SUGCT: variants seen among roughly 807,000 people sequenced by gnomAD.
The protein encoded by SUGCT is succinyl-CoA:glutarate-CoA transferase.
SUGCT carries 41 observed loss-of-function variants against 55.0 expected under a neutral mutation model. That is an observed-to-expected ratio of 0.74 (90% CI 0.58 to 0.97). SUGCT has a LOEUF of 0.97. Ranked by LOEUF, SUGCT falls within the 50% of genes least tolerant of loss-of-function variation. The pLI is 0.00. For missense variants in SUGCT, 568 were observed against 547.8 expected, an observed-to-expected ratio of 1.04 and a Z score of -0.37; for synonymous variants, 187 against 200.4, an observed-to-expected ratio of 0.93 and a Z score of 0.56.
At chr7:40,395,586 G>C (rs1379642773) in intron 9 of SUGCT, among the ~76,000 whole-genome samples, 1 of 150,686 alleles carries the variant, frequency 6.6e-6, no homozygotes, top group Non-Finnish European at 1.5e-5. Context: ...CAAGATCAAA[G>C]TGATTTGTAT....
At chr7:40,326,309 G>A (rs892493526) in intron 9 of SUGCT, among the ~76,000 whole-genome samples, 2 of 152,134 alleles carry the variant, frequency 1.3e-5, no homozygotes, top group African/African-American at 4.8e-5. Flanking sequence ...TAAGTGTTTT[G>A]TGCAGCATCT....
intron 13 of SUGCT, among the ~76,000 whole-genome samples, chr7:40,791,530 A>G (rs1790309692): frequency 6.6e-6 from 1 of 152,154 alleles, no homozygotes; most frequent in African/African-American, 2.4e-5. Context: ...TCAACTTGGT[A>G]TGCTTGAAAG....
chr7:40,495,953 A>G (rs1369369803), intron 11 of SUGCT, among the ~76,000 whole-genome samples: 3 of 152,204 alleles, frequency 2.0e-5, no homozygotes, highest in Non-Finnish European at 4.4e-5. Context: ...CCTAAAAGAC[A>G]TATTGCCCAA....
intron 13 of SUGCT, among the ~76,000 whole-genome samples, chr7:40,799,643 A>G (rs1345695233): frequency 6.6e-6 from 1 of 152,222 alleles, no homozygotes; most frequent in Admixed American, 6.5e-5. Context: ...CAAAGAGGAA[A>G]AAAGAAAAAG....
chr7:40,321,078 CT>C lies in SUGCT; in HGVS notation c.816+4239del, dbSNP rs35504638. 9.2e-3 allele frequency among the ~76,000 whole-genome samples: 1,267 copies of C among 138,098 alleles called. 5 individuals are homozygous for C. Among genetic ancestry groups the C allele is most frequent in the South Asian group, 0.023 (100 of 4,396 alleles). The allele number at this position is 138,098 out of a possible 152,430, so 90.6% of individuals were successfully genotyped here. The stretch of plus-strand genomic sequence containing the variant: ...TCTTTTCTTTTTTCTTTCTTTCTTT[CT>C]TTTTTTTTTTTTTTTGAAGTGGAGT... On this transcript the variant is annotated intron_variant, in intron 9 of 13. Transcript: ENST00000335693.
intron 12 of SUGCT, among the ~76,000 whole-genome samples, chr7:40,521,752 T>C (rs1793541723): frequency 6.6e-6 from 1 of 152,082 alleles, no homozygotes; most frequent in Non-Finnish European, 1.5e-5. Flanking sequence ...AATAATGTAG[T>C]ATAGGGATGA....
intron 11 of SUGCT, among the ~76,000 whole-genome samples, chr7:40,478,453 T>A (rs1790836353): frequency 6.6e-6 from 1 of 152,202 alleles, no homozygotes; most frequent in Non-Finnish European, 1.5e-5. Flanking sequence ...AAACTAAGGC[T>A]TAAAGACTTA....
intron 12 of SUGCT, among the ~76,000 whole-genome samples, chr7:40,642,293 T>G (rs1800302976): frequency 6.6e-6 from 1 of 152,244 alleles, no homozygotes; most frequent in Non-Finnish European, 1.5e-5. Flanking sequence ...GCAGAGATAC[T>G]AAACCTTGGT....
chr7:40,263,024 A>G (rs4585651), intron 7 of SUGCT, among the ~76,000 whole-genome samples: 61,306 of 151,944 alleles, frequency 0.4, 12,798 homozygotes, highest in East Asian at 0.5. Context: ...CTGTTTTCAG[A>G]CGATTCTGCT....
At chr7:40,168,888 G>A (rs188296254) in intron 1 of SUGCT, among the ~76,000 whole-genome samples, 6 of 152,188 alleles carry the variant, frequency 3.9e-5, no homozygotes, top group African/African-American at 7.2e-5. Context: ...GGATGGTCCC[G>A]CCTTGCGGAT....
intron 13 of SUGCT, among the ~76,000 whole-genome samples, chr7:40,794,566 C>T (rs746425932): frequency 6.6e-6 from 1 of 152,070 alleles, no homozygotes; most frequent in Non-Finnish European, 1.5e-5. Context: ...TCTGTTCTTC[C>T]TGTGGTCATT....
intron 8 of SUGCT, among the ~76,000 whole-genome samples, chr7:40,308,884 C>T (rs1794983301): frequency 6.6e-6 from 1 of 152,100 alleles, no homozygotes; most frequent in African/African-American, 2.4e-5. Flanking sequence ...GTGTTGTGTA[C>T]CTGTAATCCC....
chr7:40,961,671 A>C, the SUGCT span, among the ~76,000 whole-genome samples: 1 of 152,198 alleles, frequency 6.6e-6, no homozygotes, highest in African/African-American at 2.4e-5. Context: ...TGAGTGTCAC[A>C]GTTCTTAAAG....
chr7:40,440,015 G>C (rs1788416163), intron 9 of SUGCT, among the ~76,000 whole-genome samples: 1 of 152,004 alleles, frequency 6.6e-6, no homozygotes, highest in Admixed American at 6.6e-5. Flanking sequence ...GAGGCCTTCA[G>C]ACTCCTCACT....
In SUGCT at chr7:40,325,366, CAT is replaced by C. The variant is rs72058007; in HGVS notation, c.816+8512_816+8513del. On this transcript the variant is annotated intron_variant, in intron 9 of 13. Coordinates refer to ENST00000335693, the MANE Select transcript of SUGCT (RefSeq NM_001193313.2). ...TATAAACAGGCATATGATTCTATCA[CAT>C]GTTTAAAATAATTGTTGTATTAGTA... Among the ~76,000 whole-genome samples the C allele has an allele frequency of 3.6e-3, 547 of 152,060 alleles. 3 individuals are homozygous for C. Among genetic ancestry groups the C allele is most frequent in the African/African-American group, 0.012 (518 of 41,452 alleles).
In SUGCT at chr7:40,276,593, T is replaced by C. The variant is rs569626526; in HGVS notation, c.720+1937T>C. 2.6e-5 allele frequency among the ~76,000 whole-genome samples: 4 copies of C among 152,274 alleles called. No individual in the cohort carries two copies. In the East Asian group the frequency reaches 5.8e-4, roughly 22 times the overall value. On this transcript the variant is annotated intron_variant, in intron 8 of 13. Coordinates refer to ENST00000335693, the MANE Select transcript of SUGCT (RefSeq NM_001193313.2). ...GCTTTACTCTAATGTATAAAGAGTA[T>C]TGTATTATTTAGATGAGTATCATAG...
At chr7:40,378,215 C>T (rs1219143216) in intron 9 of SUGCT, among the ~76,000 whole-genome samples, 9 of 147,898 alleles carry the variant, frequency 6.1e-5, no homozygotes, top group Non-Finnish European at 1.3e-4. Context: ...CTCCTTCTCT[C>T]TTCTCCTCTT....
intron 12 of SUGCT, among the ~76,000 whole-genome samples, chr7:40,560,285 T>C (rs1271218965): frequency 6.6e-6 from 1 of 152,186 alleles, no homozygotes; most frequent in Non-Finnish European, 1.5e-5. Flanking sequence ...CATATATATA[T>C]ACATGTGCAC....
At chr7:40,250,188 A>G (rs1790270393) in intron 7 of SUGCT, among the ~76,000 whole-genome samples, 1 of 151,796 alleles carries the variant, frequency 6.6e-6, no homozygotes, top group South Asian at 2.1e-4. Context: ...GCTTCAGCTC[A>G]GGAGTTCGAG....
Sources: gnomAD v4.1 joint callset for allele counts (sites outside exome capture counted in the v4.1 genomes callset) on GRCh38, gnomAD v4.1.1 for gene constraint, MANE v1.5 for transcripts, NCBI Gene and HGNC (gene_info 2026-07-23, HGNC 2026-07-21) for gene names.